The following MFRP variants were observed in gnomAD, a reference collection of about 807,000 sequenced individuals.
MFRP encodes C1q and TNF related 5.
In MFRP, 74 loss-of-function variants were observed where a neutral mutation model predicts 65.8. That is an observed-to-expected ratio of 1.12 (90% CI 0.93 to 1.36). The LOEUF is 1.36. MFRP is among the 40% of genes most tolerant of loss of function. The probability of loss-of-function intolerance (pLI) is 0.00; values close to 1 mark genes in which losing one functional copy is unlikely to be tolerated. For missense variants in MFRP, 838 were observed against 736.0 expected (o/e 1.14, Z -1.60); for synonymous variants, 336 against 288.3 (o/e 1.17, Z -1.68).
In MFRP at chr11:119,341,586, G is replaced by A. The variant is rs1159600080; in HGVS notation, c.1702C>T (p.Pro568Ser). The A allele has an allele frequency of 5.6e-6, 9 of 1,612,890 alleles. No individual in the cohort carries two copies. Among genetic ancestry groups the A allele is most frequent in the Non-Finnish European group, 7.6e-6 (9 of 1,179,988 alleles). Residue 568 changes from proline (P) to serine (S), a missense_variant, in exon 13 of 15, where the codon CCA becomes TCA. By Grantham distance (74) the Pro-to-Ser change is moderately conservative. Transcript: ENST00000619721. ...TPWPFNCNRL[P>S]EAADLEACAQ... ...CAAGCTTCCAGGTCAGCTGCCTCTG[G>A]CAGCCTGTTGCAGTTGAAGGGCCAG... is the stretch of plus-strand genomic sequence containing the variant.
Position 119,341,046 on chromosome 11 carries a change from C to T in MFRP, c.*502G>A, listed in dbSNP as rs528171942. The T allele has an allele frequency of 2.2e-5, 4 of 184,508 alleles. No homozygotes were observed. The highest frequency in any genetic ancestry group is 4.5e-5 in the Non-Finnish European group (4 of 88,132). The allele number at this position is 184,508 out of a possible 1,614,324, so 11.4% of individuals were successfully genotyped here. ...CGGACACACAGGGCACCTCCTGTTCCCAGGGCCAGAGGAGAGGCAGGGCAG... is the reference window on the plus strand; with the variant it reads ...CGGACACACAGGGCACCTCCTGTTCTCAGGGCCAGAGGAGAGGCAGGGCAG... On this transcript the variant is annotated 3_prime_UTR_variant, in exon 13 of 15. Transcript: ENST00000619721.
Position 119,341,358 on chromosome 11 carries a change from G to T in MFRP, c.*190C>A, listed in dbSNP as rs572965784. The T allele has an allele frequency of 4.7e-4, 285 of 605,546 alleles. 12 individuals are homozygous for T. In the South Asian group the frequency reaches 5.0e-3, roughly 11 times the overall value. The allele number at this position is 605,546 out of a possible 1,614,324, so 37.5% of individuals were successfully genotyped here. A position where few individuals can be genotyped will look rare whatever the true frequency, so the allele number is the denominator to read the frequency against. The stretch of plus-strand genomic sequence containing the variant: ...AGTCAGCAGCCTGGGACCGGTAAAG[G>T]GACAGGAAGGAGCAGGGAGGGTGGT... On this transcript the variant is annotated 3_prime_UTR_variant, in exon 13 of 15. Coordinates refer to ENST00000619721, the MANE Select transcript of MFRP (RefSeq NM_031433.4).
intron 14 of MFRP, 45 bp downstream of exon 14, chr11:119,340,139 C>A (rs991346311): frequency 1.8e-5 from 27 of 1,496,932 alleles, no homozygotes; most frequent in Non-Finnish European, 2.4e-5. Context: ...TGCGGCCGCG[C>A]CTGCTCGGAC....
At position 119,346,095 on chromosome 11, in the gene MFRP, G is replaced by A. The variant is rs1180827573; in HGVS notation, c.222C>T (p.Ser74=). The A allele has an allele frequency of 6.2e-7, 1 of 1,608,868 alleles. No individual in the cohort carries two copies. The highest frequency in any genetic ancestry group is 8.5e-7 in the Non-Finnish European group (1 of 1,177,592). The change falls in exon 3 of 15, where the codon TCC becomes TCT. Residue 74 remains serine (S), a synonymous_variant. Transcript: ENST00000619721. ...GCCCAAGCAGCAGGAGGAGCAGGCT[G>A]GAGAGCAGGAGGACACAGAGCCAGG... ...RFSWLCVLLL[S]SLLLLLLGLL... is the part of the protein sequence containing the mutation.
chr11:119,340,233 G>C lies in MFRP; in HGVS notation c.*1061C>G. 2 of 1,512,302 alleles carry C rather than the reference G, an allele frequency of 1.3e-6. No homozygotes were observed. Among genetic ancestry groups the C allele is most frequent in the Non-Finnish European group, 1.8e-6 (2 of 1,133,332 alleles). The allele number at this position is 1,512,302 out of a possible 1,614,324, so 93.7% of individuals were successfully genotyped here. A position where few individuals can be genotyped will look rare whatever the true frequency, so the allele number is the denominator to read the frequency against. ...CTCCCGGAGCCCCGGGCGCGCCGTC[G>C]CGGCCGTCGCGGCCATCGCGGCCCG... On this transcript the variant is annotated 3_prime_UTR_variant, in exon 14 of 15. Transcript: ENST00000619721.
rs540751225 is a variant in MFRP, at chr11:119,345,557, G to A, written c.504C>T (p.Thr168=). 6.8e-6 allele frequency: 11 copies of A among 1,614,038 alleles called. No homozygotes were observed. The African/African-American group carries it at 1.5e-4, about 22-fold the overall frequency. The change falls in exon 5 of 15, where the codon ACC becomes ACT. Residue 168 remains threonine (T), a synonymous_variant. Transcript: ENST00000619721. ...PNYPDPYPPN[T]HCVWHIQVAT... ...CCACCTGGATATGCCACACGCAGTG[G>A]GTGTTGGGGGGGTAAGGGTCTGGGT...
In MFRP at chr11:119,345,289, C is replaced by T; in HGVS notation, c.641+131G>A. On this transcript the variant is annotated intron_variant, in intron 5 of 14. Transcript: ENST00000619721. The stretch of plus-strand genomic sequence containing the variant: ...CTCACGGCACACAGCAAGGTGGTGG[C>T]AGAGCTGGGCCCAGAGGTCTAGTCT... 3 of 951,056 alleles carry T rather than the reference C, an allele frequency of 3.2e-6. No individual in the cohort carries two copies. In the South Asian group the frequency reaches 4.7e-5, roughly 15 times the overall value. The allele number at this position is 951,056 out of a possible 1,614,324, so 58.9% of individuals were successfully genotyped here.
At position 119,339,400 on chromosome 11, in the gene MFRP, G is replaced by A. The variant is rs745716719; in HGVS notation, c.*1559C>T. The A allele has an allele frequency of 1.2e-5, 19 of 1,613,372 alleles. No homozygotes were observed. The highest frequency in any genetic ancestry group is 1.5e-5 in the Non-Finnish European group (18 of 1,179,442). On this transcript the variant is annotated 3_prime_UTR_variant, in exon 15 of 15. Transcript: ENST00000619721. This position sits in a 1 kb window ranked among gnomAD's most constrained non-coding sequence, Gnocchi z 5.4. ...ATCCGGAGAAGGTGCTGTCTGTCTT[G>A]ATGCTGGCATAGATGCCAATGTAGT...
intron 7 of MFRP, 27 bp from the exon 8 acceptor site, chr11:119,344,418 G>C: frequency 6.2e-7 from 1 of 1,607,036 alleles, no homozygotes; most frequent in Non-Finnish European, 8.5e-7. Flanking sequence ...GGGCTCATGA[G>C]TTTGCTAGGA....
chr11:119,344,289 C>T lies in MFRP; in HGVS notation c.975+26G>A, dbSNP rs545865741. The T allele has an allele frequency of 2.7e-5, 43 of 1,609,048 alleles. No homozygotes were observed. In the Admixed American group the frequency reaches 4.0e-4, roughly 15 times the overall value. On this transcript the variant is annotated intron_variant, in intron 8 of 14. Transcript: ENST00000619721. ...CAGGTGCTTCCGTGTGTGCCCCTCC[C>T]GTTCTGCATGGAGCACTGTGCTTAC...
intron 5 of MFRP, among the ~76,000 whole-genome samples, 186 bp from the exon 6 acceptor site, chr11:119,345,190 T>C (rs1950548466): frequency 6.6e-6 from 1 of 152,180 alleles, no homozygotes; most frequent in African/African-American, 2.4e-5. Flanking sequence ...CCTTGTAGCA[T>C]CTACTCATGG....
rs1193078840 is a variant in MFRP at position 119,345,649 on chromosome 11, T to C, written c.428-16A>G. On this transcript the variant is annotated splice_polypyrimidine_tract_variant and intron_variant, in intron 4 of 14. Transcript: ENST00000619721. ...CCTCCACAGGCTGCAGAGATGGAGG[T>C]TAGAGTTCAGAGGTCAAAAGGAGTG... is the stretch of plus-strand genomic sequence containing the variant. The C allele has an allele frequency of 1.2e-6, 2 of 1,613,022 alleles. No homozygotes were observed. Among genetic ancestry groups the C allele is most frequent in the African/African-American group, 1.3e-5 (1 of 74,844 alleles).
intron 9 of MFRP, among the ~76,000 whole-genome samples, chr11:119,343,542 A>G (rs898847079): frequency 1.3e-5 from 2 of 152,170 alleles, no homozygotes; most frequent in Non-Finnish European, 2.9e-5. Context: ...AGAAAAATCA[A>G]TGAGGGTTTG....
rs556189272 is a variant in MFRP at position 119,342,619 on chromosome 11, C to T, written c.1364G>A (p.Ser455Asn). ...ACCTGGGGGTGGGAACAAGGGGCCG[C>T]TGCAGTTGTCATCGCTGCCATCGGT... is the stretch of plus-strand genomic sequence containing the variant. The part of the protein sequence containing the change: ...DCTDGSDDNC[S>N]GPLFPPPELA... The change falls in exon 11 of 15, where the codon AGC (serine) becomes AAC (asparagine). Residue 455 changes from serine (S) to asparagine (N), a missense_variant. Ser to Asn is a conservative substitution (Grantham distance 46). Transcript: ENST00000619721. 5 of 1,613,514 alleles carry T rather than the reference C, an allele frequency of 3.1e-6. No individual in the cohort carries two copies. The South Asian group carries it at 4.4e-5, about 14-fold the overall frequency.
rs140352222 is a variant in MFRP, at chr11:119,343,666, C to G, written c.1124+150G>C. 1,267 of 964,874 alleles carry G rather than the reference C, an allele frequency of 1.3e-3. 2 individuals are homozygous for G. Among genetic ancestry groups the G allele is most frequent in the Non-Finnish European group, 1.8e-3 (1,138 of 620,670 alleles). The allele number at this position is 964,874 out of a possible 1,614,324, so 59.8% of individuals were successfully genotyped here. A position where few individuals can be genotyped will look rare whatever the true frequency, so the allele number is the denominator to read the frequency against. On this transcript the variant is annotated intron_variant, in intron 9 of 14. Coordinates refer to ENST00000619721, the MANE Select transcript of MFRP (RefSeq NM_031433.4). The stretch of plus-strand genomic sequence containing the variant: ...TGGGGTGAAGGTTTTGAGGTGAGAG[C>G]TGTCTTTAGGGTGATGGTGAAGAGA...
rs1270867201 is a variant in MFRP, at chr11:119,341,614, G to T, written c.1674C>A (p.Thr558=). The part of the protein sequence containing the change: ...QCQSGLALLG[T]PWPFNCNRLP... ...GCCTGTTGCAGTTGAAGGGCCAGGGGGTGCCCAGTAGTGCCAGGCCAGACT... is the reference window on the plus strand; with the variant it reads ...GCCTGTTGCAGTTGAAGGGCCAGGGTGTGCCCAGTAGTGCCAGGCCAGACT... The change falls in exon 13 of 15, where the codon ACC becomes ACA. Residue 558 remains threonine (T), a synonymous_variant. Transcript: ENST00000619721. 1.9e-6 allele frequency: 3 copies of T among 1,612,862 alleles called. No individual in the cohort carries two copies. The highest frequency in any genetic ancestry group is 2.5e-6 in the Non-Finnish European group (3 of 1,180,028).
Position 119,341,987 on chromosome 11 carries a change from G to A in MFRP, c.1388-3C>T. The A allele has an allele frequency of 6.2e-7, 1 of 1,613,530 alleles. No individual in the cohort carries two copies. Among genetic ancestry groups the A allele is most frequent in the Admixed American group, 1.7e-5 (1 of 60,022 alleles). On this transcript the variant is annotated splice_region_variant and splice_polypyrimidine_tract_variant and intron_variant, in intron 11 of 14. Coordinates refer to ENST00000619721, the MANE Select transcript of MFRP (RefSeq NM_031433.4). ...CTGGACAGGCTCACAGGCCAGCTCT[G>A]CAGGGGTGGAGGGGAGGGCCACTGT...
Position 119,345,571 on chromosome 11 carries a change from A to G in MFRP, c.490T>C (p.Tyr164His). 6.2e-7 allele frequency: 1 copy of G among 1,613,874 alleles called. No homozygotes were observed. The highest frequency in any genetic ancestry group is 8.5e-7 in the Non-Finnish European group (1 of 1,179,996). ...FFSSPNYPDP[Y>H]PPNTHCVWHI... ...CACACGCAGTGGGTGTTGGGGGGGTAAGGGTCTGGGTAGTTAGGGCTGCTG... is the reference window on the plus strand; with the variant it reads ...CACACGCAGTGGGTGTTGGGGGGGTGAGGGTCTGGGTAGTTAGGGCTGCTG... The change falls in exon 5 of 15, where the codon TAC (tyrosine) becomes CAC (histidine). Residue 164 changes from tyrosine to histidine, a missense_variant. Coordinates refer to ENST00000619721, the MANE Select transcript of MFRP (RefSeq NM_031433.4).
chr11:119,343,815 C>T lies in MFRP; in HGVS notation c.1124+1G>A. 1.4e-5 allele frequency: 22 copies of T among 1,613,852 alleles called. No individual in the cohort carries two copies. Among genetic ancestry groups the T allele is most frequent in the Non-Finnish European group, 1.9e-5 (22 of 1,180,008 alleles). On this transcript the variant is annotated splice_donor_variant, in intron 9 of 14. Coordinates refer to ENST00000619721, the MANE Select transcript of MFRP (RefSeq NM_031433.4). LOFTEE classifies it high-confidence loss of function. ...CCATGGCTCTTCCCTGGCTCCTGTA[C>T]CTGCCCAGGAGGCTGAAGGCCCCTG...
Sources: gnomAD v4.1 joint callset for allele counts (sites outside exome capture counted in the v4.1 genomes callset) on GRCh38, gnomAD v4.1.1 for gene constraint, Gnocchi (gnomAD v3.1) non-coding constraint, MANE v1.5 for transcripts, NCBI Gene and HGNC (gene_info 2026-07-23, HGNC 2026-07-21) for gene names.